The following PDE9A variants were observed in gnomAD, a reference collection of about 807,000 sequenced individuals.
PDE9A encodes the protein phosphodiesterase 9A, also known as high affinity cGMP-specific 3',5'-cyclic phosphodiesterase 9A.
Under a neutral mutation model 87.4 loss-of-function variants are expected in PDE9A, and 60 were observed. That is an observed-to-expected ratio of 0.69 (90% CI 0.56 to 0.85). The LOEUF (loss-of-function observed/expected upper bound fraction) is 0.85. Ranked by LOEUF, PDE9A falls within the 40% of genes least tolerant of loss-of-function variation. PDE9A has a pLI of 0.00. For missense variants in PDE9A, 665 were observed against 779.0 expected (o/e 0.85, Z 1.74); for synonymous variants, 272 against 279.4 (o/e 0.97, Z 0.27).
intron 1 of PDE9A, among the ~76,000 whole-genome samples, chr21:42,662,947 CGCACAT>C (rs2145851844): frequency 6.9e-6 from 1 of 144,794 alleles, no homozygotes; most frequent in South Asian, 2.2e-4. Flanking sequence ...ACCACGCACA[CGCACAT>C]CACATGCACA....
chr21:42,667,892 T>G (rs1273092427), intron 1 of PDE9A, among the ~76,000 whole-genome samples: 2 of 151,976 alleles, frequency 1.3e-5, no homozygotes, highest in South Asian at 2.1e-4. Flanking sequence ...CTTTCCCCCC[T>G]GCAGTTCTAG....
In PDE9A at chr21:42,653,839, C is replaced by T; in HGVS notation, c.25C>T (p.Arg9Trp). MGSGSSSY[R>W]PKAIYLDIDG... ...GATGGGATCCGGCTCCTCCAGCTAC[C>T]GGCCCAAGGCCATCTACCTGGACAT... is the stretch of plus-strand genomic sequence containing the variant. The change falls in exon 1 of 20, where the codon CGG becomes TGG. Residue 9 changes from arginine (R) to tryptophan (W), a missense_variant. Arg to Trp is a moderately radical substitution (Grantham distance 101, BLOSUM62 -3). Transcript: ENST00000291539. The T allele has an allele frequency of 3.8e-6, 6 of 1,568,544 alleles. 1 individual carries two copies. Among genetic ancestry groups the T allele is most frequent in the South Asian group, 2.3e-5 (2 of 85,786 alleles).
At chr21:42,742,534 C>T (rs1299529955) in intron 7 of PDE9A, among the ~76,000 whole-genome samples, 2 of 140,190 alleles carry the variant, frequency 1.4e-5, no homozygotes, top group East Asian at 2.2e-4. Flanking sequence ...GGCGTGATCT[C>T]GGCTCACTGC....
At chr21:42,656,616 A>G (rs1227426162) in intron 1 of PDE9A, among the ~76,000 whole-genome samples, 3 of 152,190 alleles carry the variant, frequency 2.0e-5, no homozygotes, top group Non-Finnish European at 4.4e-5. Flanking sequence ...ATTTATATGA[A>G]GAAAACTCCA....
chr21:42,736,263 G>A (rs1368989617), intron 7 of PDE9A, among the ~76,000 whole-genome samples: 1 of 152,176 alleles, frequency 6.6e-6, no homozygotes. Context: ...AAGATGAATA[G>A]TAACCCTGTG....
chr21:42,685,123 C>G (rs1193401534), intron 1 of PDE9A, among the ~76,000 whole-genome samples: 1 of 152,246 alleles, frequency 6.6e-6, no homozygotes, highest in Non-Finnish European at 1.5e-5. Flanking sequence ...GGGAGGCATC[C>G]TCTGCGATGA....
At chr21:42,761,015 C>A in intron 13 of PDE9A, 108 bp downstream of exon 13, 1 of 752,356 alleles carries the variant, frequency 1.3e-6, no homozygotes, top group Non-Finnish European at 2.4e-6. Flanking sequence ...CTGTCAACGA[C>A]GGCCTCCCAG....
Position 42,762,212 on chromosome 21 carries a change from A to G in PDE9A, c.1215A>G (p.Pro405=), listed in dbSNP as rs1335982605. ...AGTGCAACATCTTCTCCAACATCCC[A>G]CCTGATGGGTTCAAGCAGATCCGAC... The part of the protein sequence containing the change: ...EPECNIFSNI[P]PDGFKQIRQG... The change falls in exon 14 of 20, where the codon CCA becomes CCG. Residue 405 remains proline (P), a synonymous_variant. Transcript: ENST00000291539. The G allele has an allele frequency of 1.2e-6, 2 of 1,613,626 alleles. No individual in the cohort carries two copies. The highest frequency in any genetic ancestry group is 1.7e-6 in the Non-Finnish European group (2 of 1,179,928).
At chr21:42,734,429 T>C (rs2052172255) in intron 7 of PDE9A, 1 of 152,260 alleles carries the variant, frequency 6.6e-6, no homozygotes. Context: ...GTGAACTCTT[T>C]GTCAATGACA....
In PDE9A at chr21:42,694,446, C is replaced by T. The variant is rs936545487; in HGVS notation, c.219-4522C>T. On this transcript the variant is annotated intron_variant, in intron 3 of 19. Transcript: ENST00000291539. This position sits in a 1 kb window ranked among gnomAD's most constrained non-coding sequence, Gnocchi z 5.3. ...CCCAGATTCACAGCCATAGGGTGGG[C>T]GTTTCATGAAATCTCCAAATTCCAA... Among the ~76,000 whole-genome samples, 3 of 152,148 alleles carry T rather than the reference C, an allele frequency of 2.0e-5. No homozygotes were observed. The highest frequency in any genetic ancestry group is 4.1e-4 in the South Asian group (2 of 4,826).
At chr21:42,658,739 TC>T (rs1227641086) in intron 1 of PDE9A, among the ~76,000 whole-genome samples, 1 of 152,206 alleles carries the variant, frequency 6.6e-6, no homozygotes, top group Non-Finnish European at 1.5e-5. Flanking sequence ...CCTCTCCACT[TC>T]CAGCCTATCA....
At chr21:42,726,626 T>TATATA (rs1569207600) in intron 4 of PDE9A, among the ~76,000 whole-genome samples, 4 of 41,134 alleles carry the variant, frequency 9.7e-5, no homozygotes, top group Admixed American at 2.1e-4. Flanking sequence ...ATATATATAT[T>TATATA]TTTTTTTTTT....
intron 1 of PDE9A, among the ~76,000 whole-genome samples, chr21:42,671,410 C>T (rs2058555733): frequency 6.6e-6 from 1 of 152,130 alleles, no homozygotes; most frequent in South Asian, 2.1e-4. Context: ...AAAATATCTC[C>T]TAAACTGGAA....
At chr21:42,707,953 T>C (rs990632087) in intron 4 of PDE9A, among the ~76,000 whole-genome samples, 4 of 152,208 alleles carry the variant, frequency 2.6e-5, no homozygotes, top group African/African-American at 7.2e-5. Context: ...TCTCTGGAAT[T>C]GCTGAATTTT....
chr21:42,664,982 T>G (rs2057866325), intron 1 of PDE9A, among the ~76,000 whole-genome samples: 1 of 152,228 alleles, frequency 6.6e-6, no homozygotes, highest in Non-Finnish European at 1.5e-5. Flanking sequence ...TTTGCAGACA[T>G]AATCACATCA....
intron 9 of PDE9A, among the ~76,000 whole-genome samples, chr21:42,753,279 T>A (rs1224421717): frequency 6.6e-6 from 1 of 152,218 alleles, no homozygotes. Context: ...GCACTGGGAT[T>A]ACAAGCATGA....
At chr21:42,698,792 T>G (rs2060279371) in intron 3 of PDE9A, 176 bp from the exon 4 acceptor site, 1 of 466,382 alleles carries the variant, frequency 2.1e-6, no homozygotes, top group Non-Finnish European at 3.8e-6. Flanking sequence ...ATACTTGAAA[T>G]TCATCTGAGT....
chr21:42,676,218 C>A (rs950093280), intron 1 of PDE9A, among the ~76,000 whole-genome samples: 3 of 152,194 alleles, frequency 2.0e-5, no homozygotes, highest in African/African-American at 7.2e-5. Flanking sequence ...ATAAATGACC[C>A]AGTCTCAGAT....
intron 4 of PDE9A, among the ~76,000 whole-genome samples, chr21:42,699,435 A>G (rs1018921133): frequency 3.3e-4 from 50 of 152,340 alleles, no homozygotes; most frequent in African/African-American, 1.2e-3. Context: ...TTCCTGGCCC[A>G]GCACCTGTCC....
Sources: allele counts gnomAD v4.1 joint callset (sites outside exome capture counted in the v4.1 genomes callset), GRCh38; gene constraint gnomAD v4.1.1; non-coding constraint Gnocchi (gnomAD v3.1); transcripts MANE v1.5; gene names NCBI Gene and HGNC (gene_info 2026-07-23, HGNC 2026-07-21).